Variants in COP1 observed in about 807,000 individuals in gnomAD.
COP1 encodes E3 ubiquitin-protein ligase COP1.
Under a neutral mutation model 101.3 loss-of-function variants are expected in COP1, and 24 were observed. The ratio of observed to expected loss-of-function variants is 0.24; its 90% CI spans 0.17 to 0.33. COP1 has a LOEUF of 0.33. Among genes scored for constraint, COP1 ranks in the 10% least tolerant of loss-of-function variants. The pLI is 1.00. For synonymous variants in COP1, 347 were observed against 341.9 expected (o/e 1.01, Z -0.17); for missense variants, 663 against 906.2 (o/e 0.73, Z 3.45).
At chr1:176,159,191 C>T (rs1238301202) in intron 5 of COP1, among the ~76,000 whole-genome samples, 1 of 152,084 alleles carries the variant, frequency 6.6e-6, no homozygotes, top group African/African-American at 2.4e-5. Flanking sequence ...TACAAGCACA[C>T]ACACATACAC....
intron 3 of COP1, among the ~76,000 whole-genome samples, chr1:176,169,602 C>A (rs1270138851): frequency 6.6e-6 from 1 of 152,076 alleles, no homozygotes; most frequent in Non-Finnish European, 1.5e-5. Flanking sequence ...TTAATATATA[C>A]GTTTATTAAA....
At position 176,207,235 on chromosome 1, in the gene COP1, T is replaced by C. The variant is rs570028926; in HGVS notation, c.-257A>G. Reference sequence around the variant, plus strand: ...AGGCCGCCGCCGCCACCGCGGTCCCTGTAGCAGCCAACCCCGGCGCGCCGT... The same window carrying C: ...AGGCCGCCGCCGCCACCGCGGTCCCCGTAGCAGCCAACCCCGGCGCGCCGT... On this transcript the variant is annotated 5_prime_UTR_variant, in exon 1 of 20. Coordinates refer to ENST00000367669, the MANE Select transcript of COP1 (RefSeq NM_022457.7). The C allele has an allele frequency of 1.1e-3, 440 of 398,494 alleles. No individual in the cohort carries two copies. Among genetic ancestry groups the C allele is most frequent in the Non-Finnish European group, 1.6e-3 (361 of 226,332 alleles). The allele number at this position is 398,494 out of a possible 1,614,324, so 24.7% of individuals were successfully genotyped here.
At chr1:176,180,288 G>A (rs1346139756) in intron 2 of COP1, among the ~76,000 whole-genome samples, 3 of 152,170 alleles carry the variant, frequency 2.0e-5, no homozygotes, top group Non-Finnish European at 2.9e-5. Context: ...ACGCCTGTCT[G>A]CTGCCTTCTG....
At chr1:176,011,121 G>A (rs1432726095) in intron 15 of COP1, among the ~76,000 whole-genome samples, 1 of 152,084 alleles carries the variant, frequency 6.6e-6, no homozygotes, top group African/African-American at 2.4e-5. Context: ...TTGTTGGTGT[G>A]AAAAACAAAA....
At chr1:176,019,505 T>TAATAATAACAAC (rs1374161037) in intron 15 of COP1, among the ~76,000 whole-genome samples, 12 of 133,184 alleles carry the variant, frequency 9.0e-5, no homozygotes, top group African/African-American at 2.7e-4. Context: ...ATAATAATAA[T>TAATAATAACAAC]AACCATCATC....
intron 1 of COP1, among the ~76,000 whole-genome samples, chr1:176,191,419 G>A (rs1386554882): frequency 6.6e-6 from 1 of 151,862 alleles, no homozygotes; most frequent in Non-Finnish European, 1.5e-5. Context: ...CAGCAAAAGG[G>A]CCATGGAAAT....
At chr1:175,982,569 T>C (rs1656130510) in intron 18 of COP1, among the ~76,000 whole-genome samples, 1 of 152,200 alleles carries the variant, frequency 6.6e-6, no homozygotes, top group South Asian at 2.1e-4. Context: ...GTTAATTGTT[T>C]ATGTTATTGG....
chr1:175,952,326 G>A (rs749501963), intron 18 of COP1, among the ~76,000 whole-genome samples: 10 of 152,008 alleles, frequency 6.6e-5, no homozygotes, highest in Non-Finnish European at 1.3e-4. Flanking sequence ...GGAGGCTGAG[G>A]TGGGAGAATC....
chr1:176,039,216 T>C (rs913019287), intron 14 of COP1, among the ~76,000 whole-genome samples: 1 of 151,706 alleles, frequency 6.6e-6, no homozygotes, highest in Non-Finnish European at 1.5e-5. Flanking sequence ...AACACATACA[T>C]CAAAAAAGGA....
intron 18 of COP1, among the ~76,000 whole-genome samples, chr1:175,960,696 A>C (rs1483008169): frequency 6.6e-6 from 1 of 152,266 alleles, no homozygotes; most frequent in African/African-American, 2.4e-5. Context: ...AGTTTGCATT[A>C]TAAAGGGCCT....
At chr1:176,023,089 G>A (rs1326946434) in intron 15 of COP1, among the ~76,000 whole-genome samples, 1 of 152,106 alleles carries the variant, frequency 6.6e-6, no homozygotes, top group Non-Finnish European at 1.5e-5. Context: ...ATGGCATCAT[G>A]TTCTTGATTT....
intron 1 of COP1, among the ~76,000 whole-genome samples, chr1:176,198,664 A>G (rs1365481312): frequency 1.3e-5 from 2 of 152,126 alleles, no homozygotes; most frequent in African/African-American, 2.4e-5. Context: ...AAAATTATTA[A>G]GAAAATGAAA....
chr1:176,002,731 C>A (rs1378731637), intron 15 of COP1, among the ~76,000 whole-genome samples: 1 of 147,194 alleles, frequency 6.8e-6, no homozygotes, highest in African/African-American at 2.5e-5. Flanking sequence ...GTATATGTGC[C>A]ACATTTTCTT....
In COP1 at chr1:175,962,408, T is replaced by C. The variant is rs190115182; in HGVS notation, c.2134-15169A>G. Among the ~76,000 whole-genome samples, 3 of 152,268 alleles carry C rather than the reference T, an allele frequency of 2.0e-5. No individual in the cohort carries two copies. In the East Asian group the frequency reaches 5.8e-4, roughly 29 times the overall value. ...GCCCTTATCTACCATTAGTTTCTTA[T>C]ATATTAATATTTGCCTTCCTATTGT... On this transcript the variant is annotated intron_variant, in intron 18 of 19. Coordinates refer to ENST00000367669, the MANE Select transcript of COP1 (RefSeq NM_022457.7).
chr1:176,016,243 T>C (rs1051961728), intron 15 of COP1, among the ~76,000 whole-genome samples: 4 of 152,018 alleles, frequency 2.6e-5, no homozygotes, highest in Admixed American at 1.3e-4. Context: ...ATGGGGAATT[T>C]AGAGAGTGAC....
intron 1 of COP1, among the ~76,000 whole-genome samples, chr1:176,202,013 GAA>G (rs1352867644): frequency 1.3e-5 from 2 of 152,006 alleles, no homozygotes; most frequent in African/African-American, 4.8e-5. Flanking sequence ...GGTCTAAAAA[GAA>G]AAGTCACTTA....
At chr1:176,043,120 A>C (rs953182665) in intron 14 of COP1, 66 bp downstream of exon 14, 1 of 905,938 alleles carries the variant, frequency 1.1e-6, no homozygotes, top group Non-Finnish European at 1.8e-6. Flanking sequence ...ATTTCTGCCG[A>C]TGAAAGGAAT....
chr1:176,111,303 G>T (rs1015286420), intron 9 of COP1, among the ~76,000 whole-genome samples: 1 of 152,008 alleles, frequency 6.6e-6, no homozygotes, highest in Non-Finnish European at 1.5e-5. Flanking sequence ...TTTATTTTTT[G>T]TGTGTGTGTG....
chr1:176,038,670 C>G (rs957376376), intron 14 of COP1, among the ~76,000 whole-genome samples: 1 of 151,826 alleles, frequency 6.6e-6, no homozygotes, highest in Non-Finnish European at 1.5e-5. Context: ...ATACAAAAAT[C>G]AGCCACGTGT....
Sources: allele counts gnomAD v4.1 joint callset (sites outside exome capture counted in the v4.1 genomes callset), GRCh38; gene constraint gnomAD v4.1.1; transcripts MANE v1.5; gene names NCBI Gene and HGNC (gene_info 2026-07-23, HGNC 2026-07-21).